The following CDNF variants were observed in gnomAD, a reference collection of about 807,000 sequenced individuals.
The protein encoded by CDNF is cerebral dopamine neurotrophic factor.
A neutral mutation model predicts 14.8 loss-of-function variants in CDNF; 9 were observed. The ratio of observed to expected loss-of-function variants is 0.61; its 90% CI spans 0.37 to 1.06. The LOEUF is 1.06. Among genes scored for constraint, CDNF ranks in the 50% least tolerant of loss-of-function variants. The pLI is 0.01. For synonymous variants in CDNF, 86 were observed against 87.2 expected, an observed-to-expected ratio of 0.99 and a Z score of 0.07; for missense variants, 228 against 228.4, an observed-to-expected ratio of 1.00 and a Z score of 0.01.
intron 3 of CDNF, among the ~76,000 whole-genome samples, chr10:14,820,823 A>G (rs1052247462): frequency 2.0e-5 from 3 of 152,168 alleles, no homozygotes; most frequent in Admixed American, 6.6e-5. Flanking sequence ...AGGAATTGTA[A>G]TCCCCGCTGT....
rs1833715685 is a variant in CDNF, at chr10:14,819,252, C to G, written c.*728G>C. ...AAATAGCATTAACAATGGTAAAGTT[C>G]CAAGTTGCCTATGAGTGTTTTTAAT... On this transcript the variant is annotated 3_prime_UTR_variant, in exon 4 of 4. Coordinates refer to ENST00000465530, the MANE Select transcript of CDNF (RefSeq NM_001029954.3). 3.3e-5 allele frequency: 5 copies of G among 152,262 alleles called. No individual in the cohort carries two copies. The South Asian group carries it at 1.0e-3, about 32-fold the overall frequency. The allele number at this position is 152,262 out of a possible 1,614,324, so 9.4% of individuals were successfully genotyped here. A position where few individuals can be genotyped will look rare whatever the true frequency, so the allele number is the denominator to read the frequency against.
In CDNF at chr10:14,837,989, C is replaced by A; in HGVS notation, c.-43G>T. On this transcript the variant is annotated 5_prime_UTR_variant, in exon 1 of 4. Transcript: ENST00000465530. ...AATCGCCTCCGCCACCCGCGCCCAC[C>A]GCCCACCAAGCTGCCAAAGCGAGCT... 4.8e-6 allele frequency: 7 copies of A among 1,445,730 alleles called. No individual in the cohort carries two copies. Among genetic ancestry groups the A allele is most frequent in the Non-Finnish European group, 6.6e-6 (7 of 1,055,322 alleles). The allele number at this position is 1,445,730 out of a possible 1,614,324, so 89.6% of individuals were successfully genotyped here.
Position 14,837,881 on chromosome 10 carries a change from C to A in CDNF, c.66G>T (p.Val22=). 1 of 1,606,710 alleles carries A rather than the reference C, an allele frequency of 6.2e-7. No homozygotes were observed. The highest frequency in any genetic ancestry group is 1.1e-5 in the South Asian group (1 of 90,130). ...FCAGLLVSHP[V]LTQGQEAGGR... ...CCCCGGCCTCCTGGCCCTGCGTCAG[C>A]ACCGGGTGAGAGACCAAAAGCCCGG... Residue 22 remains valine, a synonymous_variant, in exon 1 of 4, where the codon GTG becomes GTT. Transcript: ENST00000465530.
At chr10:14,826,036 AG>A (rs1287920780) in intron 2 of CDNF, among the ~76,000 whole-genome samples, 1 of 62,334 alleles carries the variant, frequency 1.6e-5, no homozygotes, top group Non-Finnish European at 3.7e-5. Context: ...AAGGAGAAGA[AG>A]AAGAAGAAGA....
intron 2 of CDNF, among the ~76,000 whole-genome samples, chr10:14,827,863 G>A (rs2131625189): frequency 6.6e-6 from 1 of 152,232 alleles, no homozygotes; most frequent in Admixed American, 6.5e-5. Flanking sequence ...CTGCACTCTA[G>A]CCTGGGCAAC....
At chr10:14,832,099 G>T (rs992781177) in intron 1 of CDNF, among the ~76,000 whole-genome samples, 1 of 152,204 alleles carries the variant, frequency 6.6e-6, no homozygotes, top group Non-Finnish European at 1.5e-5. Flanking sequence ...ATGGTAAGGA[G>T]GATGGAGGGT....
At chr10:14,828,575 A>G (rs1224576246) in intron 1 of CDNF, among the ~76,000 whole-genome samples, 1 of 151,274 alleles carries the variant, frequency 6.6e-6, no homozygotes, top group East Asian at 2.0e-4. Flanking sequence ...TGAACCCAGC[A>G]GGTGGAGATT....
At position 14,823,343 on chromosome 10, in the gene CDNF, A is replaced by G. The variant is rs181593348; in HGVS notation, c.385+2136T>C. On this transcript the variant is annotated intron_variant, in intron 3 of 3. Coordinates refer to ENST00000465530, the MANE Select transcript of CDNF (RefSeq NM_001029954.3). Reference sequence around the variant, plus strand: ...ATTAAAACTAGTTCATAGCTCCCCAAGGGCCTCTAGTGGCCAGCATCGCCA... The same window carrying G: ...ATTAAAACTAGTTCATAGCTCCCCAGGGGCCTCTAGTGGCCAGCATCGCCA... Among the ~76,000 whole-genome samples, 10 of 152,286 alleles carry G rather than the reference A, an allele frequency of 6.6e-5. No individual in the cohort carries two copies. The Middle Eastern group carries it at 0.01, about 155-fold the overall frequency.
intron 1 of CDNF, chr10:14,836,431 G>A (rs1362079497): frequency 1.3e-5 from 2 of 152,248 alleles, no homozygotes; most frequent in South Asian, 4.1e-4. Flanking sequence ...TTATAAGTGG[G>A]AGCCCCAGAT....
chr10:14,820,078 C>A lies in CDNF; in HGVS notation c.466G>T (p.Glu156Ter), dbSNP rs767629550. 4.3e-6 allele frequency: 7 copies of A among 1,613,748 alleles called. No individual in the cohort carries two copies. Among genetic ancestry groups the A allele is most frequent in the Non-Finnish European group, 5.9e-6 (7 of 1,179,846 alleles). ...ELKQILHSWG[E>*]ECRACAEKTD... is the part of the protein sequence containing the mutation. ...TTTTCTGCACAGGCCCTGCACTCCT[C>A]CCCCCAGCTATGCAGGATCTGCTTC... Residue 156 changes from glutamate (E) to a stop codon, truncating the protein, a stop_gained, in exon 4 of 4, where the codon GAG becomes TAG. Coordinates refer to ENST00000465530, the MANE Select transcript of CDNF (RefSeq NM_001029954.3). LOFTEE classifies it low-confidence loss of function (END_TRUNC).
intron 1 of CDNF, 48 bp downstream of exon 1, chr10:14,837,784 G>A (rs760150949): frequency 5.0e-6 from 6 of 1,189,198 alleles, no homozygotes; most frequent in Non-Finnish European, 7.2e-6. Flanking sequence ...CAGCTGCTGC[G>A]CCGCAGCGCG....
At position 14,832,668 on chromosome 10, in the gene CDNF, A is replaced by T. The variant is rs550176636; in HGVS notation, c.116-4396T>A. 1.5e-4 allele frequency among the ~76,000 whole-genome samples: 23 copies of T among 152,256 alleles called. No homozygotes were observed. The South Asian group carries it at 4.8e-3, about 32-fold the overall frequency. On this transcript the variant is annotated intron_variant, in intron 1 of 3. Coordinates refer to ENST00000465530, the MANE Select transcript of CDNF (RefSeq NM_001029954.3). ...CTGGACCTATCTTGAAGGAAGAGCC[A>T]AAAGAATTTACTAATAAGCCAGATG...
At chr10:14,837,685 G>A (rs1315495596) in intron 1 of CDNF, 147 bp downstream of exon 1, 1 of 590,972 alleles carries the variant, frequency 1.7e-6, no homozygotes, top group African/African-American at 1.9e-5. Context: ...TACTCGAGCT[G>A]GGCTTGGGCG....
chr10:14,830,045 T>C (rs184029175), intron 1 of CDNF, among the ~76,000 whole-genome samples: 6 of 152,314 alleles, frequency 3.9e-5, no homozygotes, highest in African/African-American at 7.2e-5. Context: ...TTTGTGAAGA[T>C]TGTTTGAAGC....
chr10:14,828,517 C>T (rs1366644161), intron 1 of CDNF, among the ~76,000 whole-genome samples: 2 of 151,910 alleles, frequency 1.3e-5, no homozygotes, highest in Admixed American at 6.6e-5. Flanking sequence ...CATGGTGGCG[C>T]GTGCCTATAG....
At chr10:14,825,693 T>G in intron 2 of CDNF, 73 bp from the exon 3 acceptor site, 2 of 1,475,446 alleles carry the variant, frequency 1.4e-6, no homozygotes, top group Non-Finnish European at 1.9e-6. Context: ...AATGAAGGAA[T>G]ACAGTATCAA....
At chr10:14,823,009 C>A (rs1456406681) in intron 3 of CDNF, among the ~76,000 whole-genome samples, 4 of 152,198 alleles carry the variant, frequency 2.6e-5, no homozygotes, top group Non-Finnish European at 5.9e-5. Context: ...ACTTATCTTG[C>A]TTGTTAATTT....
chr10:14,825,371 G>GCTTA, intron 3 of CDNF, 108 bp downstream of exon 3: 2 of 1,091,408 alleles, frequency 1.8e-6, no homozygotes, highest in Non-Finnish European at 2.6e-6. Context: ...ATTGATGAGT[G>GCTTA]GTGAATTTCT....
chr10:14,836,635 T>A (rs569945332), intron 1 of CDNF, among the ~76,000 whole-genome samples: 1 of 152,208 alleles, frequency 6.6e-6, no homozygotes, highest in Admixed American at 6.5e-5. Context: ...AGGCTCCAAT[T>A]ATTAACACTT....
Sources: allele counts gnomAD v4.1 joint callset (sites outside exome capture counted in the v4.1 genomes callset), GRCh38; gene constraint gnomAD v4.1.1; transcripts MANE v1.5; gene names NCBI Gene and HGNC (gene_info 2026-07-23, HGNC 2026-07-21).